The following NAALADL2 variants were observed in gnomAD, a reference collection of about 807,000 sequenced individuals.
The protein encoded by NAALADL2 is N-acetylated alpha-linked acidic dipeptidase like 2.
In NAALADL2, 76 loss-of-function variants were observed where a neutral mutation model predicts 87.2. The observed-to-expected ratio is 0.87, with a 90% confidence interval of 0.72 to 1.05. The LOEUF is 1.05. NAALADL2 is among the 50% of genes least tolerant of loss of function. NAALADL2 has a pLI of 0.00. For missense variants in NAALADL2, 1,089 were observed against 945.8 expected, an observed-to-expected ratio of 1.15 and a Z score of -1.99; for synonymous variants, 354 against 331.0, an observed-to-expected ratio of 1.07 and a Z score of -0.75.
intron 5 of NAALADL2, among the ~76,000 whole-genome samples, chr3:175,330,771 C>T (rs111324589): frequency 1.3e-4 from 20 of 151,888 alleles, no homozygotes; most frequent in African/African-American, 4.8e-4. Context: ...ATAAGCCAAA[C>T]CCATACTTAG....
At chr3:174,987,816 A>ATATATATATTTATATATATATAAT (rs1746166191) in intron 1 of NAALADL2, among the ~76,000 whole-genome samples, 1 of 136,122 alleles carries the variant, frequency 7.3e-6, no homozygotes, top group African/African-American at 3.0e-5. Flanking sequence ...ATATAATTAT[A>ATATATATATTTATATATATATAAT]TATATATATA....
chr3:175,565,503 CTT>C (rs544149838), intron 9 of NAALADL2, among the ~76,000 whole-genome samples: 33 of 152,210 alleles, frequency 2.2e-4, no homozygotes, highest in African/African-American at 7.0e-4. Flanking sequence ...TCTTTTGACT[CTT>C]TATTCTCTCC....
chr3:174,668,906 A>T (rs1726240504), intron 2 of NAALADL2, among the ~76,000 whole-genome samples: 1 of 152,202 alleles, frequency 6.6e-6, no homozygotes, highest in Non-Finnish European at 1.5e-5. Flanking sequence ...TTATAGCAGC[A>T]TGATTTATAT....
At chr3:175,273,803 T>C (rs943000870) in intron 4 of NAALADL2, among the ~76,000 whole-genome samples, 2 of 152,076 alleles carry the variant, frequency 1.3e-5, no homozygotes, top group Admixed American at 6.6e-5. Context: ...TATGGATAAA[T>C]AGGTGGTTTT....
At chr3:174,899,873 G>C (rs2109852609) in intron 1 of NAALADL2, among the ~76,000 whole-genome samples, 1 of 142,010 alleles carries the variant, frequency 7.0e-6, no homozygotes, top group Non-Finnish European at 1.5e-5. Flanking sequence ...TGAAAGTCCT[G>C]ACAGTAAAAA....
intron 1 of NAALADL2, among the ~76,000 whole-genome samples, chr3:175,088,772 G>GTATC: frequency 6.6e-6 from 1 of 152,290 alleles, no homozygotes; most frequent in African/African-American, 2.4e-5. Context: ...AAATTGCAGT[G>GTATC]TATCTATCAA....
At chr3:174,926,690 G>A (rs1170237210) in intron 1 of NAALADL2, among the ~76,000 whole-genome samples, 1 of 152,122 alleles carries the variant, frequency 6.6e-6, no homozygotes, top group African/African-American at 2.4e-5. Context: ...TGCCCTAAAA[G>A]AGCTCCTGAA....
intron 1 of NAALADL2, among the ~76,000 whole-genome samples, chr3:174,473,223 C>A (rs1390202987): frequency 6.6e-6 from 1 of 152,128 alleles, no homozygotes; most frequent in African/African-American, 2.4e-5. Flanking sequence ...GCCCTCCCTG[C>A]CAACCTGGAT....
chr3:175,133,744 G>C (rs1404659190), intron 2 of NAALADL2, among the ~76,000 whole-genome samples: 7 of 152,142 alleles, frequency 4.6e-5, no homozygotes, highest in Admixed American at 4.6e-4. Context: ...GTGGGGAGAG[G>C]GAGAGGGAGA....
intron 1 of NAALADL2, among the ~76,000 whole-genome samples, chr3:175,025,895 C>G (rs1580087856): frequency 1.3e-5 from 2 of 152,098 alleles, no homozygotes. Flanking sequence ...CTGCAGCCTC[C>G]ACCTCTCAGG....
chr3:175,113,259 C>T (rs1241491822), intron 2 of NAALADL2, among the ~76,000 whole-genome samples: 2 of 151,434 alleles, frequency 1.3e-5, no homozygotes, highest in African/African-American at 2.4e-5. Context: ...GTGTCCCTTT[C>T]GTAGTAGCCA....
Position 175,420,716 on chromosome 3 carries a change from C to T in NAALADL2, c.1091-26513C>T, listed in dbSNP as rs564152140. On this transcript the variant is annotated intron_variant, in intron 5 of 13. Transcript: ENST00000454872. Reference sequence around the variant, plus strand: ...TGAACATCTCCTGTTTCTCAAACAGCTCATTAAGTGGTTGGATTATACAAT... The same window carrying T: ...TGAACATCTCCTGTTTCTCAAACAGTTCATTAAGTGGTTGGATTATACAAT... Among the ~76,000 whole-genome samples the T allele has an allele frequency of 2.6e-5, 4 of 152,086 alleles. No individual in the cohort carries two copies. In the East Asian group the frequency reaches 7.7e-4, roughly 29 times the overall value.
intron 11 of NAALADL2, among the ~76,000 whole-genome samples, chr3:175,691,222 ATATT>A (rs1394382247): frequency 2.7e-5 from 4 of 150,886 alleles, no homozygotes; most frequent in Non-Finnish European, 5.9e-5. Context: ...ATGTGTATAT[ATATT>A]TATCTCTGTG....
At chr3:175,490,631 G>A (rs1307971485) in intron 9 of NAALADL2, among the ~76,000 whole-genome samples, 1 of 150,746 alleles carries the variant, frequency 6.6e-6, no homozygotes, top group African/African-American at 2.5e-5. Context: ...TCCTGACCTC[G>A]TGATCTGCCA....
chr3:174,947,745 T>G (rs936563301), intron 1 of NAALADL2, among the ~76,000 whole-genome samples: 4 of 151,952 alleles, frequency 2.6e-5, no homozygotes, highest in African/African-American at 9.7e-5. Flanking sequence ...CACACACACA[T>G]ACTGACACAT....
intron 2 of NAALADL2, among the ~76,000 whole-genome samples, chr3:174,736,122 C>T (rs957351792): frequency 2.6e-5 from 4 of 152,130 alleles, no homozygotes; most frequent in Non-Finnish European, 5.9e-5. Context: ...CTTGGAGATA[C>T]CAGGAACCTC....
intron 11 of NAALADL2, among the ~76,000 whole-genome samples, chr3:175,670,307 A>T (rs1002889332): frequency 4.0e-5 from 6 of 151,106 alleles, no homozygotes; most frequent in African/African-American, 1.5e-4. Context: ...CCATATAAAG[A>T]TTTGTAAAAT....
At chr3:175,020,211 G>C (rs1044770776) in intron 1 of NAALADL2, among the ~76,000 whole-genome samples, 1 of 152,004 alleles carries the variant, frequency 6.6e-6, no homozygotes, top group South Asian at 2.1e-4. Flanking sequence ...AAGATTGGTA[G>C]GTCTTGGTTC....
chr3:175,666,050 T>A (rs80001996), intron 11 of NAALADL2, among the ~76,000 whole-genome samples: 3,726 of 152,260 alleles, frequency 0.024, 149 homozygotes, highest in African/African-American at 0.084. Context: ...TTTGAGAGAT[T>A]AAGAAACTTA....
Sources: allele counts gnomAD v4.1 joint callset (sites outside exome capture counted in the v4.1 genomes callset), GRCh38; gene constraint gnomAD v4.1.1; transcripts MANE v1.5; gene names NCBI Gene and HGNC (gene_info 2026-07-23, HGNC 2026-07-21).